APCDD1: variants seen among roughly 807,000 people sequenced by gnomAD.
The protein encoded by APCDD1 is protein APCDD1.
A neutral mutation model predicts 38.1 loss-of-function variants in APCDD1; 15 were observed. The ratio of observed to expected loss-of-function variants is 0.39; its 90% CI spans 0.26 to 0.61. APCDD1 has a LOEUF of 0.61. APCDD1 is among the 20% of genes least tolerant of loss of function. The pLI is 0.49. For missense variants in APCDD1, 647 were observed against 696.2 expected, an observed-to-expected ratio of 0.93 and a Z score of 0.79; for synonymous variants, 261 against 279.7, an observed-to-expected ratio of 0.93 and a Z score of 0.67.
chr18:10,484,879 C>CCCTG (rs1214064565), intron 3 of APCDD1, among the ~76,000 whole-genome samples: 2 of 152,196 alleles, frequency 1.3e-5, no homozygotes, highest in Non-Finnish European at 2.9e-5. Context: ...CTGATGTGAA[C>CCCTG]ATGGGTGTGC....
chr18:10,475,362 G>A lies in APCDD1; in HGVS notation c.774+3301G>A, dbSNP rs1316025014. Among the ~76,000 whole-genome samples the A allele has an allele frequency of 6.6e-6, 1 of 152,096 alleles. No individual in the cohort carries two copies. The highest frequency in any genetic ancestry group is 2.4e-5 in the African/African-American group (1 of 41,394). On this transcript the variant is annotated intron_variant, in intron 3 of 4. Coordinates refer to ENST00000355285, the MANE Select transcript of APCDD1 (RefSeq NM_153000.5). This position sits in a 1 kb window ranked among gnomAD's most constrained non-coding sequence, Gnocchi z 4.0. ...TTCCTTGATGACAGAAAATTAAGGT[G>A]GAAAGAGCTTTAGGACCTTAGATAC...
chr18:10,466,103 T>C (rs1263057073), intron 1 of APCDD1, among the ~76,000 whole-genome samples: 1 of 152,232 alleles, frequency 6.6e-6, no homozygotes, highest in Non-Finnish European at 1.5e-5. Flanking sequence ...CAACTCCCAA[T>C]ACCTTGTAAC....
intron 1 of APCDD1, among the ~76,000 whole-genome samples, chr18:10,458,782 G>C (rs1302059908): frequency 6.6e-6 from 1 of 152,212 alleles, no homozygotes; most frequent in Non-Finnish European, 1.5e-5. Context: ...TGATGTGTTA[G>C]TGATTGTCTA....
intron 1 of APCDD1, among the ~76,000 whole-genome samples, chr18:10,457,850 C>T (rs11662227): frequency 0.27 from 40,981 of 152,056 alleles, 5,638 homozygotes; most frequent in Non-Finnish European, 0.29. Flanking sequence ...AGACTTGAGC[C>T]TGTTGTTTAT....
chr18:10,472,946 G>A lies in APCDD1; in HGVS notation c.774+885G>A, dbSNP rs983791608. 1.3e-5 allele frequency among the ~76,000 whole-genome samples: 2 copies of A among 152,108 alleles called. No homozygotes were observed. Among genetic ancestry groups the A allele is most frequent in the Non-Finnish European group, 2.9e-5 (2 of 68,018 alleles). On this transcript the variant is annotated intron_variant, in intron 3 of 4. Transcript: ENST00000355285. The surrounding 1 kb of genome is among the most constrained non-coding windows in gnomAD (Gnocchi z 6.6). ...AGGGGAGTGGGCTTCTGCCCAGTGC[G>A]TAGTGTGAACGTGCAGACCCGGGCC...
intron 3 of APCDD1, among the ~76,000 whole-genome samples, chr18:10,473,174 C>T (rs1410942233): frequency 1.3e-5 from 2 of 152,218 alleles, no homozygotes; most frequent in African/African-American, 4.8e-5. Context: ...TATCACAGGG[C>T]ACTTCTGCCA....
At chr18:10,474,231 C>T (rs1055913939) in intron 3 of APCDD1, 3 of 152,276 alleles carry the variant, frequency 2.0e-5, no homozygotes, top group African/African-American at 7.2e-5. Context: ...CGGCCGCCAT[C>T]TTTCAAATGA....
In APCDD1 at chr18:10,487,747, T is replaced by TCA; in HGVS notation, c.1258_1259dup (p.Glu421ArgfsTer148). On this transcript the variant is annotated frameshift_variant, in exon 5 of 5. Coordinates refer to ENST00000355285, the MANE Select transcript of APCDD1 (RefSeq NM_153000.5). LOFTEE classifies it low-confidence loss of function (END_TRUNC). ...GCGTGGCCCTGGGCATCAAACTACCTCACACGGAGTACGAGATCTTCAAAA... is the reference window on the plus strand; with the variant it reads ...GCGTGGCCCTGGGCATCAAACTACCTCACACACGGAGTACGAGATCTTCAAAA... The TCA allele has an allele frequency of 6.2e-7, 1 of 1,614,128 alleles. No individual in the cohort carries two copies. The highest frequency in any genetic ancestry group is 8.5e-7 in the Non-Finnish European group (1 of 1,180,030).
In APCDD1 at chr18:10,468,750, C is replaced by T. The variant is rs140181954; in HGVS notation, c.242+98C>T. 3,161 of 1,285,366 alleles carry T rather than the reference C, an allele frequency of 2.5e-3. 53 individuals are homozygous for T. In the African/African-American group the frequency reaches 0.04, roughly 16 times the overall value. 79.6% of individuals were successfully genotyped at this position (1,285,366 alleles called of 1,614,324 possible). ...AGATGCAGAGACTTTATATCATTTA[C>T]AATGATTTAGGTGTTGTCCAAGTTC... On this transcript the variant is annotated intron_variant, in intron 2 of 4. Transcript: ENST00000355285.
At position 10,489,473 on chromosome 18, in the gene APCDD1, GT is replaced by G. The variant is rs2031323478; in HGVS notation, c.*1436del. The G allele has an allele frequency of 6.6e-6, 1 of 152,244 alleles. No homozygotes were observed. Among genetic ancestry groups the G allele is most frequent in the Admixed American group, 6.5e-5 (1 of 15,280 alleles). The allele number at this position is 152,244 out of a possible 1,614,324, so 9.4% of individuals were successfully genotyped here. On this transcript the variant is annotated 3_prime_UTR_variant, in exon 5 of 5. Transcript: ENST00000355285. ...CCAGCACTTTGGGAGACCAAGGAGG[GT>G]GGATCACGAGGTCAGGAGATCAAGA...
At chr18:10,480,135 G>A (rs1360771075) in intron 3 of APCDD1, among the ~76,000 whole-genome samples, 4 of 152,132 alleles carry the variant, frequency 2.6e-5, no homozygotes, top group Non-Finnish European at 5.9e-5. Flanking sequence ...AGGGGATGCC[G>A]TGGAAGCCAA....
chr18:10,484,236 C>T (rs2031199828), intron 3 of APCDD1, among the ~76,000 whole-genome samples: 1 of 152,232 alleles, frequency 6.6e-6, no homozygotes, highest in Non-Finnish European at 1.5e-5. Flanking sequence ...GGACAGAGGG[C>T]AGTGTGCGCG....
intron 1 of APCDD1, among the ~76,000 whole-genome samples, chr18:10,464,703 G>C (rs930686785): frequency 2.0e-5 from 3 of 152,000 alleles, no homozygotes; most frequent in Non-Finnish European, 2.9e-5. Flanking sequence ...TTACAGGCAT[G>C]AGCCACTGTG....
rs1356533036 is a variant in APCDD1 at position 10,472,301 on chromosome 18, A to G, written c.774+240A>G. Among the ~76,000 whole-genome samples the G allele has an allele frequency of 6.6e-6, 1 of 152,178 alleles. No homozygotes were observed. Among genetic ancestry groups the G allele is most frequent in the Non-Finnish European group, 1.5e-5 (1 of 68,040 alleles). On this transcript the variant is annotated intron_variant, in intron 3 of 4. Coordinates refer to ENST00000355285, the MANE Select transcript of APCDD1 (RefSeq NM_153000.5). The surrounding 1 kb of genome is among the most constrained non-coding windows in gnomAD (Gnocchi z 6.6). ...TGCTCTGTGACTTGGAACCTCGGTTATCCTACTGAAGTGGGTGGTGGCATG... is the reference window on the plus strand; with the variant it reads ...TGCTCTGTGACTTGGAACCTCGGTTGTCCTACTGAAGTGGGTGGTGGCATG...
chr18:10,486,366 A>G (rs901101087), intron 4 of APCDD1, among the ~76,000 whole-genome samples: 1 of 152,150 alleles, frequency 6.6e-6, no homozygotes, highest in Non-Finnish European at 1.5e-5. Context: ...AAAAACAAAA[A>G]AAGAAATCTC....
rs1298212362 is a variant in APCDD1, at chr18:10,469,581, C to T, written c.242+929C>T. ...AGCAGTGAACAAAACAGACCTGGTCCCTGTCTTCAAGGGTTTTATAAGTAA... is the reference window on the plus strand; with the variant it reads ...AGCAGTGAACAAAACAGACCTGGTCTCTGTCTTCAAGGGTTTTATAAGTAA... On this transcript the variant is annotated intron_variant, in intron 2 of 4. Transcript: ENST00000355285. The surrounding 1 kb of genome is among the most constrained non-coding windows in gnomAD (Gnocchi z 5.5). 6.6e-6 allele frequency among the ~76,000 whole-genome samples: 1 copy of T among 151,992 alleles called. No individual in the cohort carries two copies. Among genetic ancestry groups the T allele is most frequent in the Non-Finnish European group, 1.5e-5 (1 of 68,006 alleles).
chr18:10,454,718 C>A lies in APCDD1; in HGVS notation c.-264C>A. ...CGGCGGCCGGGGCGGGACGCGGGGC[C>A]GGGCGCGGAGAAGTCGGGGCGGGCG... On this transcript the variant is annotated 5_prime_UTR_variant, in exon 1 of 5. Transcript: ENST00000355285. The A allele has an allele frequency of 1.0e-6, 1 of 982,270 alleles. No homozygotes were observed. Among genetic ancestry groups the A allele is most frequent in the African/African-American group, 1.8e-5 (1 of 56,724 alleles). The allele number at this position is 982,270 out of a possible 1,614,324, so 60.8% of individuals were successfully genotyped here. A position where few individuals can be genotyped will look rare whatever the true frequency, so the allele number is the denominator to read the frequency against.
In APCDD1 at chr18:10,488,056, A is replaced by G. The variant is rs778982576; in HGVS notation, c.*18A>G. The G allele has an allele frequency of 5.6e-6, 9 of 1,612,374 alleles. No individual in the cohort carries two copies. The highest frequency in any genetic ancestry group is 2.7e-5 in the African/African-American group (2 of 74,922). Reference sequence around the variant, plus strand: ...GCAGATAGAAGTTTTAGAAAGTTCTATTTTTCCAAACCAGGATTCCTTACT... The same window carrying G: ...GCAGATAGAAGTTTTAGAAAGTTCTGTTTTTCCAAACCAGGATTCCTTACT... On this transcript the variant is annotated 3_prime_UTR_variant, in exon 5 of 5. Coordinates refer to ENST00000355285, the MANE Select transcript of APCDD1 (RefSeq NM_153000.5).
rs541972346 is a variant in APCDD1 at position 10,461,911 on chromosome 18, G to A, written c.59-6558G>A. On this transcript the variant is annotated intron_variant, in intron 1 of 4. Transcript: ENST00000355285. ...ATATAGTATATGGTTTCTAACTCTTGTTTTATCTGTAAAATAAGAGGAAAA... is the reference window on the plus strand; with the variant it reads ...ATATAGTATATGGTTTCTAACTCTTATTTTATCTGTAAAATAAGAGGAAAA... Among the ~76,000 whole-genome samples, 177 of 152,176 alleles carry A rather than the reference G, an allele frequency of 1.2e-3. 1 individual carries two copies. Among genetic ancestry groups the A allele is most frequent in the Non-Finnish European group, 1.0e-3 (68 of 68,006 alleles).
Sources: allele counts gnomAD v4.1 joint callset (sites outside exome capture counted in the v4.1 genomes callset), GRCh38; gene constraint gnomAD v4.1.1; non-coding constraint Gnocchi (gnomAD v3.1); transcripts MANE v1.5; gene names NCBI Gene and HGNC (gene_info 2026-07-23, HGNC 2026-07-21).